Variants in CASK observed in about 807,000 individuals in gnomAD.
CASK encodes the protein calcium/calmodulin dependent serine protein kinase.
CASK carries 4 observed loss-of-function variants against 82.9 expected under a neutral mutation model. The observed-to-expected ratio is 0.05, with a 90% CI of 0.02 to 0.11. The LOEUF is 0.11. CASK is among the 10% of genes least tolerant of loss of function. CASK has a pLI of 1.00. For synonymous variants in CASK, 259 were observed against 253.5 expected (o/e 1.02, Z -0.20); for missense variants, 358 against 720.9 (o/e 0.50, Z 5.76).
chrX:41,676,102 C>G, intron 5 of CASK: 1 of 1,156,558 alleles, frequency 8.6e-7, no homozygotes, highest in South Asian at 1.8e-5. Flanking sequence ...CAGTGGCAAC[C>G]TCTGCCAAGT....
intron 14 of CASK, among the ~76,000 whole-genome samples, chrX:41,582,483 T>G (rs1178177754): frequency 7.3e-5 from 8 of 109,716 alleles, no homozygotes; most frequent in Non-Finnish European, 1.1e-4. Context: ...GCCTGGCTAA[T>G]TTTTGTGTTT....
intron 5 of CASK, chrX:41,729,785 T>C (rs866215975): frequency 3.0e-5 from 2 of 67,553 alleles, no homozygotes; most frequent in African/African-American, 6.4e-5. Flanking sequence ...AAAAAAAATA[T>C]ATATATATAT....
chrX:41,807,507 T>A (rs900649415), intron 2 of CASK, among the ~76,000 whole-genome samples: 5 of 111,861 alleles, frequency 4.5e-5, no homozygotes, highest in Non-Finnish European at 9.4e-5. Context: ...GCTGATTCCT[T>A]AATTGTCCCA....
intron 11 of CASK, among the ~76,000 whole-genome samples, chrX:41,613,028 T>C (rs1305249611): frequency 2.2e-4 from 20 of 89,960 alleles, no homozygotes; most frequent in South Asian, 5.7e-4. Flanking sequence ...GCCCCCCGCC[T>C]GGCCAGCTGC....
intron 9 of CASK, among the ~76,000 whole-genome samples, chrX:41,629,814 T>C (rs1381679281): frequency 1.8e-5 from 2 of 112,117 alleles, no homozygotes; most frequent in Non-Finnish European, 3.8e-5. Flanking sequence ...ACATTATTGC[T>C]ACTGATTGCT....
chrX:41,736,693 C>T (rs1455051262), intron 5 of CASK, among the ~76,000 whole-genome samples: 1 of 111,963 alleles, frequency 8.9e-6, no homozygotes, highest in East Asian at 2.8e-4. Flanking sequence ...CGTGCTTCCT[C>T]TAAACTATTT....
Position 41,553,905 on chromosome X carries a change from C to T in CASK, c.1853G>A (p.Arg618Lys). 6 of 1,195,960 alleles carry T rather than the reference C, an allele frequency of 5.0e-6. No homozygotes were observed. The highest frequency in any genetic ancestry group is 6.8e-6 in the Non-Finnish European group (6 of 881,538). The change falls in exon 21 of 27, where the codon AGA becomes AAA. Residue 618 changes from arginine (R) to lysine (K), a missense_variant. Coordinates refer to ENST00000378163, the MANE Select transcript of CASK (RefSeq NM_001367721.1). ...GGCTGGATCATATTCAAATTGTGCT[C>T]TTACATAGATCTATAAAACAGGAGT... is the stretch of plus-strand genomic sequence containing the variant. ...TQPKGRQIYV[R>K]AQFEYDPAKD...
chrX:41,864,406 C>T (rs923631975), intron 1 of CASK, among the ~76,000 whole-genome samples: 3 of 111,457 alleles, frequency 2.7e-5, no homozygotes, highest in Non-Finnish European at 5.7e-5. Flanking sequence ...CTACCTCCTG[C>T]CCCCGTACTC....
chrX:41,765,373 C>T (rs943204072), intron 3 of CASK, among the ~76,000 whole-genome samples: 19 of 111,826 alleles, frequency 1.7e-4, no homozygotes, highest in Non-Finnish European at 3.0e-4. Context: ...GTGCTGGTGG[C>T]GATGCAAAAT....
intron 8 of CASK, among the ~76,000 whole-genome samples, chrX:41,637,378 CTTTTTTTTTTT>C (rs758261036): frequency 1.1e-4 from 4 of 36,891 alleles, no homozygotes; most frequent in East Asian, 1.1e-3. Context: ...TTAGGACACG[CTTTTTTTTTTT>C]TTTTTTTTTT....
chrX:41,591,454 T>C (rs1393528603), intron 12 of CASK, among the ~76,000 whole-genome samples: 1 of 111,198 alleles, frequency 9.0e-6, no homozygotes. Flanking sequence ...ATTGTGTCTA[T>C]CATTAACAAT....
chrX:41,611,294 T>C (rs1350380629), intron 11 of CASK, among the ~76,000 whole-genome samples: 1 of 110,956 alleles, frequency 9.0e-6, no homozygotes, highest in Non-Finnish European at 1.9e-5. Flanking sequence ...CATGCAATTA[T>C]TGGTGAGAAT....
At chrX:41,696,303 G>C in intron 5 of CASK, 1 of 1,184,061 alleles carries the variant, frequency 8.4e-7, no homozygotes, top group Non-Finnish European at 1.1e-6. Context: ...CTTCATTCTT[G>C]TGGTAATGTT....
intron 14 of CASK, among the ~76,000 whole-genome samples, chrX:41,579,847 C>G (rs2065545634): frequency 9.0e-6 from 1 of 111,367 alleles, no homozygotes; most frequent in South Asian, 3.7e-4. Context: ...AGGTAACAAT[C>G]TGGTAAAATC....
At chrX:41,850,590 A>C (rs1214353620) in intron 2 of CASK, among the ~76,000 whole-genome samples, 2 of 112,310 alleles carry the variant, frequency 1.8e-5, no homozygotes, top group African/African-American at 6.5e-5. Context: ...CGGTAAATAT[A>C]GATATTTCTA....
At chrX:41,700,674 G>C (rs1281128566) in intron 5 of CASK, among the ~76,000 whole-genome samples, 1 of 103,640 alleles carries the variant, frequency 9.6e-6, no homozygotes, top group Non-Finnish European at 2.0e-5. Context: ...CTGCCTCCTG[G>C]GTTCAAGCAA....
In CASK at chrX:41,529,321, G is replaced by C. The variant is rs750228663; in HGVS notation, c.2520+1686C>G. ...GAAGTGTCTCCCACTCAGCAGTGCA[G>C]AGCAATGCATGGCTGTGCAAGGGCA... is the stretch of plus-strand genomic sequence containing the variant. On this transcript the variant is annotated intron_variant, in intron 25 of 26. Coordinates refer to ENST00000378163, the MANE Select transcript of CASK (RefSeq NM_001367721.1). Among the ~76,000 whole-genome samples the C allele has an allele frequency of 2.7e-5, 3 of 112,053 alleles. No individual in the cohort carries two copies. The South Asian group carries it at 1.1e-3, about 42-fold the overall frequency.
In CASK at chrX:41,520,198, A is replaced by G; in HGVS notation, c.*222T>C. 1 of 357,084 alleles carries G rather than the reference A, an allele frequency of 2.8e-6. No individual in the cohort carries two copies. The highest frequency in any genetic ancestry group is 4.1e-5 in the East Asian group (1 of 24,215). 29.4% of individuals were successfully genotyped at this position (357,084 alleles called of 1,213,427 possible). A position where few individuals can be genotyped will look rare whatever the true frequency, so the allele number is the denominator to read the frequency against. On this transcript the variant is annotated 3_prime_UTR_variant, in exon 27 of 27. Transcript: ENST00000378163. ...CATACATTTAAAGATACATTTTATT[A>G]AAGTTTAGGAGAACTGATTAAAAAA...
chrX:41,873,056 A>G (rs937637186), intron 1 of CASK, among the ~76,000 whole-genome samples: 2 of 111,507 alleles, frequency 1.8e-5, no homozygotes, highest in Non-Finnish European at 3.8e-5. Flanking sequence ...ATAACAAACA[A>G]AAGGACTGAA....
Sources: allele counts gnomAD v4.1 joint callset (sites outside exome capture counted in the v4.1 genomes callset), GRCh38; gene constraint gnomAD v4.1.1; transcripts MANE v1.5; gene names NCBI Gene and HGNC (gene_info 2026-07-23, HGNC 2026-07-21).